XRN2: variants seen among roughly 807,000 people sequenced by gnomAD.
XRN2 encodes the protein DHM1-like protein.
A neutral mutation model predicts 138.5 loss-of-function variants in XRN2; 44 were observed. That is an observed-to-expected ratio of 0.32 (90% CI 0.25 to 0.41). The LOEUF is 0.41. XRN2 is among the 10% of genes least tolerant of loss of function. XRN2 has a pLI of 1.00. For synonymous variants in XRN2, 354 were observed against 369.4 expected (o/e 0.96, Z 0.48); for missense variants, 937 against 1,169.3 (o/e 0.80, Z 2.90).
At position 21,330,600 on chromosome 20, in the gene XRN2, C is replaced by A. The variant is rs746803930; in HGVS notation, c.487-16C>A. The A allele has an allele frequency of 1.2e-5, 20 of 1,613,260 alleles. No individual in the cohort carries two copies. The highest frequency in any genetic ancestry group is 1.7e-4 in the Middle Eastern group (1 of 6,010). ...TCTTAAATGATAGGTTAATTTATTT[C>A]TTTCTATCATTTTAGGGAACTGAAT... On this transcript the variant is annotated splice_polypyrimidine_tract_variant and intron_variant, in intron 5 of 29. Transcript: ENST00000377191.
At chr20:21,368,091 T>A (rs187077141) in intron 26 of XRN2, among the ~76,000 whole-genome samples, 1 of 152,190 alleles carries the variant, frequency 6.6e-6, no homozygotes, top group Non-Finnish European at 1.5e-5. Context: ...GTATTTGATA[T>A]AGTAAATTAA....
chr20:21,325,291 C>T (rs2038108268), intron 1 of XRN2, among the ~76,000 whole-genome samples: 1 of 152,134 alleles, frequency 6.6e-6, no homozygotes, highest in Non-Finnish European at 1.5e-5. Context: ...CTTGCTGAGG[C>T]TCTGGAAGAG....
intron 28 of XRN2, 46 bp from the exon 29 acceptor site, chr20:21,386,822 G>T: frequency 6.3e-7 from 1 of 1,590,872 alleles, no homozygotes. Context: ...GCTTTGTGCT[G>T]TATAATAGGT....
At chr20:21,376,179 G>A (rs1464514624) in intron 27 of XRN2, among the ~76,000 whole-genome samples, 1 of 152,094 alleles carries the variant, frequency 6.6e-6, no homozygotes, top group African/African-American at 2.4e-5. Flanking sequence ...GGGTGCAGTG[G>A]CTCACACCTG....
rs772992292 is a variant in XRN2 at position 21,354,892 on chromosome 20, G to A, written c.2020+20G>A. The A allele has an allele frequency of 4.0e-5, 64 of 1,588,562 alleles. No homozygotes were observed. The highest frequency in any genetic ancestry group is 1.7e-4 in the Middle Eastern group (1 of 6,028). On this transcript the variant is annotated intron_variant, in intron 21 of 29. Transcript: ENST00000377191. ...AAGAGAGTAAGAATTATACTTCTTAGTTAACATTGATCTGTGTAATATACA... is the reference window on the plus strand; with the variant it reads ...AAGAGAGTAAGAATTATACTTCTTAATTAACATTGATCTGTGTAATATACA...
intron 27 of XRN2, among the ~76,000 whole-genome samples, chr20:21,372,134 G>A (rs1315794971): frequency 1.3e-5 from 2 of 152,194 alleles, no homozygotes; most frequent in Non-Finnish European, 2.9e-5. Flanking sequence ...TTGATTTAGA[G>A]CAAGAAACAA....
At chr20:21,350,073 T>C (rs967414001) in intron 20 of XRN2, among the ~76,000 whole-genome samples, 1 of 152,206 alleles carries the variant, frequency 6.6e-6, no homozygotes, top group Non-Finnish European at 1.5e-5. Flanking sequence ...CTAGAAACTT[T>C]TATGTAGTTT....
chr20:21,362,988 C>G (rs2038654451), intron 24 of XRN2, among the ~76,000 whole-genome samples: 1 of 152,146 alleles, frequency 6.6e-6, no homozygotes, highest in Admixed American at 6.5e-5. Context: ...GGGACCCTTT[C>G]CATATCTTTG....
At chr20:21,303,656 G>A in intron 1 of XRN2, 183 bp downstream of exon 1, 5 of 1,335,276 alleles carry the variant, frequency 3.7e-6, no homozygotes, top group Non-Finnish European at 3.8e-6. Context: ...TCAGCACCCC[G>A]GGGGCGAGGA....
intron 9 of XRN2, among the ~76,000 whole-genome samples, chr20:21,333,194 CTT>C (rs2038238589): frequency 6.6e-6 from 1 of 152,168 alleles, no homozygotes; most frequent in Non-Finnish European, 1.5e-5. Flanking sequence ...AGTTGGCAAA[CTT>C]CAATCCTCCA....
chr20:21,376,404 CTTTGT>C (rs1280387392), intron 27 of XRN2, among the ~76,000 whole-genome samples: 1 of 152,098 alleles, frequency 6.6e-6, no homozygotes, highest in Non-Finnish European at 1.5e-5. Context: ...AATAATGTGT[CTTTGT>C]TTTAAGATAT....
chr20:21,365,725 C>G, intron 26 of XRN2, 21 bp downstream of exon 26: 2 of 1,575,384 alleles, frequency 1.3e-6, no homozygotes, highest in Non-Finnish European at 1.7e-6. Context: ...AGTTTTTAGC[C>G]CTTGTATATT....
intron 28 of XRN2, among the ~76,000 whole-genome samples, chr20:21,385,984 T>C (rs1406528812): frequency 1.3e-5 from 2 of 152,200 alleles, no homozygotes; most frequent in African/African-American, 2.4e-5. Context: ...ATAGAAGTTA[T>C]GGAAAGTGCC....
At chr20:21,325,217 A>G (rs1051175596) in intron 1 of XRN2, among the ~76,000 whole-genome samples, 16 of 152,154 alleles carry the variant, frequency 1.1e-4, no homozygotes, top group Admixed American at 7.2e-4. Context: ...TGCTTGAGGA[A>G]CTGTTATTTT....
chr20:21,385,018 T>C (rs181429938), intron 28 of XRN2, among the ~76,000 whole-genome samples: 2 of 152,358 alleles, frequency 1.3e-5, no homozygotes, highest in Admixed American at 1.3e-4. Flanking sequence ...ATTTTAATTA[T>C]TGATGATTTT....
chr20:21,379,337 G>C (rs1174318412), intron 27 of XRN2, among the ~76,000 whole-genome samples: 2 of 152,068 alleles, frequency 1.3e-5, no homozygotes, highest in African/African-American at 4.8e-5. Flanking sequence ...CTTCATTACA[G>C]ATCAGCCAGG....
At chr20:21,382,276 T>C (rs1487396291) in intron 28 of XRN2, among the ~76,000 whole-genome samples, 1 of 152,250 alleles carries the variant, frequency 6.6e-6, no homozygotes, top group Non-Finnish European at 1.5e-5. Flanking sequence ...GTTCTTGGCC[T>C]TTATTTTATT....
At chr20:21,353,127 ATAT>A (rs1327162885) in intron 20 of XRN2, among the ~76,000 whole-genome samples, 2 of 146,778 alleles carry the variant, frequency 1.4e-5, no homozygotes, top group Non-Finnish European at 3.0e-5. Context: ...TATATGTATA[ATAT>A]TTAATATATA....
At chr20:21,370,577 A>G (rs6035859) in intron 27 of XRN2, among the ~76,000 whole-genome samples, 115,345 of 152,088 alleles carry the variant, frequency 0.76, 44,090 homozygotes, top group East Asian at 0.98. Flanking sequence ...TTGTATCTCA[A>G]TGCTACCTAC....
Sources: gnomAD v4.1 joint callset for allele counts (sites outside exome capture counted in the v4.1 genomes callset) on GRCh38, gnomAD v4.1.1 for gene constraint, MANE v1.5 for transcripts, NCBI Gene and HGNC (gene_info 2026-07-23, HGNC 2026-07-21) for gene names.